DDHD1: variants seen among roughly 807,000 people sequenced by gnomAD.
DDHD1 encodes phospholipase DDHD1.
In DDHD1, 49 loss-of-function variants were observed where a neutral mutation model predicts 96.4. That is an observed-to-expected ratio of 0.51 (90% confidence interval 0.40 to 0.64). DDHD1 has a LOEUF of 0.64. Among genes scored for constraint, DDHD1 ranks in the 30% least tolerant of loss-of-function variants. The pLI is 0.00. For missense variants in DDHD1, 1,106 were observed against 1,161.2 expected (o/e 0.95, Z 0.69); for synonymous variants, 442 against 446.5 (o/e 0.99, Z 0.13).
At chr14:53,058,258 G>A (rs974753502) in intron 9 of DDHD1, among the ~76,000 whole-genome samples, 27 of 152,116 alleles carry the variant, frequency 1.8e-4, no homozygotes, top group Non-Finnish European at 3.7e-4. Flanking sequence ...TGCCTTACAG[G>A]CACCCACTAC....
chr14:53,089,944 G>A (rs972837376), intron 4 of DDHD1, among the ~76,000 whole-genome samples: 2 of 152,170 alleles, frequency 1.3e-5, no homozygotes, highest in Non-Finnish European at 2.9e-5. Flanking sequence ...GCAACCTACA[G>A]AATGGGAGAA....
At chr14:53,054,740 GT>G in intron 10 of DDHD1, 111 bp from the exon 11 acceptor site, 1 of 987,422 alleles carries the variant, frequency 1.0e-6, no homozygotes, top group Non-Finnish European at 1.5e-6. Context: ...CCCTAGTCAT[GT>G]TTTTCCAGGG....
chr14:53,073,095 C>G (rs528360747), intron 5 of DDHD1, among the ~76,000 whole-genome samples: 2 of 152,000 alleles, frequency 1.3e-5, no homozygotes, highest in Non-Finnish European at 2.9e-5. Flanking sequence ...ACAACTCTCT[C>G]ATTTTGCAGA....
chr14:53,119,523 T>C (rs1279194514), intron 1 of DDHD1, among the ~76,000 whole-genome samples: 2 of 152,274 alleles, frequency 1.3e-5, no homozygotes, highest in South Asian at 2.1e-4. Context: ...TAGGCTAATA[T>C]ACCTGATGAA....
chr14:53,114,380 G>A (rs543896328), intron 1 of DDHD1, among the ~76,000 whole-genome samples: 4 of 152,304 alleles, frequency 2.6e-5, no homozygotes, highest in African/African-American at 9.6e-5. Flanking sequence ...CAGTGCACCA[G>A]CTCTGCTAAG....
intron 12 of DDHD1, among the ~76,000 whole-genome samples, chr14:53,047,353 G>T (rs1192881382): frequency 1.3e-5 from 2 of 152,172 alleles, no homozygotes; most frequent in Non-Finnish European, 2.9e-5. Context: ...GATGCCCGTG[G>T]GAGTGCAAGA....
At position 53,093,450 on chromosome 14, in the gene DDHD1, G is replaced by A; in HGVS notation, c.1013-6C>T. On this transcript the variant is annotated splice_region_variant and splice_polypyrimidine_tract_variant and intron_variant, in intron 2 of 12. Transcript: ENST00000673822. ...CAACTTGAAACTATGAACAGCTATT[G>A]CAAAAAGGAAAAGCTAATTTGAAGG... 6.2e-7 allele frequency: 1 copy of A among 1,603,370 alleles called. No individual in the cohort carries two copies. Among genetic ancestry groups the A allele is most frequent in the South Asian group, 1.1e-5 (1 of 87,264 alleles).
intron 1 of DDHD1, among the ~76,000 whole-genome samples, chr14:53,149,480 G>A (rs1223359443): frequency 2.6e-5 from 4 of 152,154 alleles, no homozygotes; most frequent in East Asian, 1.9e-4. Flanking sequence ...GAACCCATAC[G>A]GGGACTGGAC....
At chr14:53,067,396 G>T (rs1458620478) in intron 6 of DDHD1, among the ~76,000 whole-genome samples, 1 of 151,450 alleles carries the variant, frequency 6.6e-6, no homozygotes, top group African/African-American at 2.4e-5. Context: ...AGCCTCAAGT[G>T]ATCTGCCCGT....
Position 53,038,328 on chromosome 14 carries a change from T to C in DDHD1, c.*8440A>G, listed in dbSNP as rs1415744575. The C allele has an allele frequency of 6.6e-6, 1 of 152,152 alleles. No homozygotes were observed. The highest frequency in any genetic ancestry group is 2.4e-5 in the African/African-American group (1 of 41,442). 9.4% of individuals were successfully genotyped at this position (152,152 alleles called of 1,614,324 possible). ...AAACAACTTTAGTCAAGTTTCAGGA[T>C]ACAAAATCAATGCACAAAAATTAGG... On this transcript the variant is annotated 3_prime_UTR_variant, in exon 13 of 13. Transcript: ENST00000673822.
At chr14:53,132,919 CCTA>C (rs1361712850) in intron 1 of DDHD1, among the ~76,000 whole-genome samples, 1 of 152,216 alleles carries the variant, frequency 6.6e-6, no homozygotes, top group African/African-American at 2.4e-5. Context: ...GTCACTCCCA[CCTA>C]CTCTCCCACT....
rs1013452136 is a variant in DDHD1, at chr14:53,037,422, G to C, written c.*9346C>G. The C allele has an allele frequency of 1.3e-5, 2 of 152,062 alleles. No homozygotes were observed. Among genetic ancestry groups the C allele is most frequent in the African/African-American group, 4.8e-5 (2 of 41,420 alleles). The allele number at this position is 152,062 out of a possible 1,614,324, so 9.4% of individuals were successfully genotyped here. A position where few individuals can be genotyped will look rare whatever the true frequency, so the allele number is the denominator to read the frequency against. On this transcript the variant is annotated 3_prime_UTR_variant, in exon 13 of 13. Coordinates refer to ENST00000673822, the MANE Select transcript of DDHD1 (RefSeq NM_001160148.2). ...CTGAAACCTTACTGGCATGTTATTA[G>C]ACTTCTTTACAATAGCCATTCTAAC...
At chr14:53,077,671 T>G (rs978103184) in intron 4 of DDHD1, among the ~76,000 whole-genome samples, 32 of 148,548 alleles carry the variant, frequency 2.2e-4, no homozygotes, top group Admixed American at 6.0e-4. Flanking sequence ...TTGTTTTTGT[T>G]TTTTTTTTTT....
intron 9 of DDHD1, 44 bp from the exon 10 acceptor site, chr14:53,055,956 A>G: frequency 6.5e-7 from 1 of 1,535,914 alleles, no homozygotes; most frequent in Non-Finnish European, 8.9e-7. Context: ...GTGTTAAATC[A>G]CAATGCTTGG....
intron 12 of DDHD1, among the ~76,000 whole-genome samples, chr14:53,049,657 C>CAAAAAAAAA (rs11323291): frequency 1.2e-5 from 1 of 84,716 alleles, no homozygotes; most frequent in Non-Finnish European, 2.3e-5. Flanking sequence ...TGAGCTAGGT[C>CAAAAAAAAA]AAAAAAAAAA....
chr14:53,103,764 C>T lies in DDHD1; in HGVS notation c.931G>A (p.Glu311Lys), dbSNP rs1388467681. The part of the protein sequence containing the change: ...EEEESNLIEQ[E>K]HLNCFRGQQM... ...TGGCCCCTAAAACAATTGAGATGTT[C>T]TTGCTCAATTAAATTACTTTCTTCC... The change falls in exon 2 of 13, where the codon GAA becomes AAA. Residue 311 changes from glutamate (E) to lysine (K), a missense_variant. Glu to Lys is a moderately conservative substitution (Grantham distance 56). Around this residue, in one of 2 missense-constraint regions of DDHD1, gnomAD observed 650 missense variants for 758.8 expected, o/e 0.86. Transcript: ENST00000673822. 1 of 1,613,606 alleles carries T rather than the reference C, an allele frequency of 6.2e-7. No individual in the cohort carries two copies. The highest frequency in any genetic ancestry group is 8.5e-7 in the Non-Finnish European group (1 of 1,179,790).
chr14:53,115,157 A>G (rs568733356), intron 1 of DDHD1, among the ~76,000 whole-genome samples: 5 of 152,310 alleles, frequency 3.3e-5, no homozygotes, highest in African/African-American at 1.2e-4. Context: ...GAAACAAGGC[A>G]TGAAGAAAAG....
At chr14:53,090,881 A>G (rs888134024) in intron 4 of DDHD1, among the ~76,000 whole-genome samples, 28 of 152,304 alleles carry the variant, frequency 1.8e-4, no homozygotes, top group Non-Finnish European at 2.8e-4. Context: ...TAAAAAAAAA[A>G]AAGTTGAATT....
intron 1 of DDHD1, among the ~76,000 whole-genome samples, chr14:53,140,265 G>A (rs545996169): frequency 7.9e-5 from 12 of 152,256 alleles, no homozygotes; most frequent in African/African-American, 1.9e-4. Context: ...CTGATGCAGC[G>A]GCTCATGCCT....
Sources: gnomAD v4.1 joint callset for allele counts (sites outside exome capture counted in the v4.1 genomes callset) on GRCh38, gnomAD v4.1.1 for gene constraint, gnomAD v4.1.1 regional missense constraint, MANE v1.5 for transcripts, NCBI Gene and HGNC (gene_info 2026-07-23, HGNC 2026-07-21) for gene names.